SPATA6L: variants seen among roughly 807,000 people sequenced by gnomAD.
The protein encoded by SPATA6L is spermatogenesis associated 6-like protein.
SPATA6L carries 68 observed loss-of-function variants against 49.2 expected under a neutral mutation model. The ratio of observed to expected loss-of-function variants is 1.38; its 90% CI spans 1.14 to 1.69. The LOEUF (loss-of-function observed/expected upper bound fraction) is 1.69. Among genes scored for constraint, SPATA6L ranks in the 40% most tolerant of loss-of-function variants. The pLI is 0.00. For missense variants in SPATA6L, 668 were observed against 464.3 expected (o/e 1.44, Z -4.03); for synonymous variants, 198 against 165.7 (o/e 1.19, Z -1.50).
At chr9:4,605,006 G>A (rs1293669082) in intron 10 of SPATA6L, among the ~76,000 whole-genome samples, 1 of 152,158 alleles carries the variant, frequency 6.6e-6, no homozygotes, top group African/African-American at 2.4e-5. Flanking sequence ...ATTCATGTGT[G>A]CAGGGGAAAG....
chr9:4,627,044 C>G (rs1400164974), intron 5 of SPATA6L: 2 of 151,264 alleles, frequency 1.3e-5, no homozygotes, highest in Non-Finnish European at 1.5e-5. Context: ...AATTTTCTAA[C>G]ATAAAGTGAT....
chr9:4,651,981 G>T (rs904426304), intron 3 of SPATA6L, among the ~76,000 whole-genome samples: 1 of 152,082 alleles, frequency 6.6e-6, no homozygotes. Context: ...AATAAAATGC[G>T]CACAAACTAT....
chr9:4,640,939 A>G (rs1005716999), intron 3 of SPATA6L, among the ~76,000 whole-genome samples: 1 of 152,204 alleles, frequency 6.6e-6, no homozygotes. Flanking sequence ...TTCTTTTCAA[A>G]CAACTATTCT....
At chr9:4,640,188 GA>G (rs1833730412) in intron 3 of SPATA6L, among the ~76,000 whole-genome samples, 1 of 152,174 alleles carries the variant, frequency 6.6e-6, no homozygotes, top group Non-Finnish European at 1.5e-5. Context: ...TTAATAAAAA[GA>G]AAGCATCAAG....
At chr9:4,601,435 T>C (rs1823243273) in intron 11 of SPATA6L, among the ~76,000 whole-genome samples, 1 of 151,916 alleles carries the variant, frequency 6.6e-6, no homozygotes, top group Non-Finnish European at 1.5e-5. Flanking sequence ...ATTTTAAATA[T>C]ACAAGGGATA....
At chr9:4,596,956 A>G (rs1169743360), downstream of SPATA6L, among the ~76,000 whole-genome samples, 2 of 152,126 alleles carry the variant, frequency 1.3e-5, no homozygotes, top group African/African-American at 4.8e-5. Context: ...TGAGATGAGA[A>G]TAAGAATAGC....
At chr9:4,612,149 A>G (rs1826919291) in intron 9 of SPATA6L, among the ~76,000 whole-genome samples, 1 of 151,784 alleles carries the variant, frequency 6.6e-6, no homozygotes, top group African/African-American at 2.4e-5. Flanking sequence ...TCACTTTCAA[A>G]TATTTTGTAG....
intron 7 of SPATA6L, among the ~76,000 whole-genome samples, chr9:4,621,491 C>CA (rs1554716025): frequency 4.1e-5 from 6 of 145,800 alleles, no homozygotes; most frequent in African/African-American, 1.5e-4. Context: ...GTGTGCTATT[C>CA]TTTTTTTTTT....
chr9:4,651,357 A>C (rs1836807822), intron 3 of SPATA6L, among the ~76,000 whole-genome samples: 2 of 152,224 alleles, frequency 1.3e-5, no homozygotes, highest in African/African-American at 4.8e-5. Context: ...AGAGAGATTA[A>C]ATTAGTAATC....
chr9:4,632,686 G>A (rs774953841), intron 4 of SPATA6L, among the ~76,000 whole-genome samples: 1 of 152,056 alleles, frequency 6.6e-6, no homozygotes, highest in Non-Finnish European at 1.5e-5. Flanking sequence ...TACAGCCAGG[G>A]ACATTGGTTA....
At chr9:4,665,772 G>A (rs750858108) in intron 1 of SPATA6L, among the ~76,000 whole-genome samples, 1 of 152,158 alleles carries the variant, frequency 6.6e-6, no homozygotes, top group African/African-American at 2.4e-5. Flanking sequence ...TATCACTAAG[G>A]GGAAATATCA....
chr9:4,626,244 T>TC (rs1267161056), intron 5 of SPATA6L: 26 of 419,992 alleles, frequency 6.2e-5, no homozygotes, highest in Admixed American at 8.9e-5. Flanking sequence ...TTATAGCCTT[T>TC]CCCCTATTAT....
rs758682004 is a variant in SPATA6L, at chr9:4,662,902, A to T, written c.40-866T>A. 1 of 1,608,290 alleles carries T rather than the reference A, an allele frequency of 6.2e-7. No individual in the cohort carries two copies. The highest frequency in any genetic ancestry group is 1.3e-5 in the African/African-American group (1 of 74,818). ...AACCTGCTCTTCGCCCTGCTGTTGG[A>T]CCTGCTGCTGGTGGCCTTGATCAAA... is the stretch of plus-strand genomic sequence containing the variant. On this transcript the variant is annotated intron_variant, in intron 1 of 11. Coordinates refer to ENST00000682582, the MANE Select transcript of SPATA6L (RefSeq NM_001353486.2). The surrounding 1 kb of genome is among the most constrained non-coding windows in gnomAD (Gnocchi z 4.9).
chr9:4,652,480 G>C (rs150062976), intron 3 of SPATA6L, among the ~76,000 whole-genome samples: 192 of 152,232 alleles, frequency 1.3e-3, no homozygotes, highest in Non-Finnish European at 2.2e-3. Context: ...ACTTACAACA[G>C]CTTCAGAGTA....
chr9:4,622,480 T>A lies in SPATA6L; in HGVS notation c.700A>T (p.Ile234Phe). ...GACCTCCTCAAATGATGCTCTGAAATATTCTCACCAAAGGGCTTTGCACTG... is the reference window on the plus strand; with the variant it reads ...GACCTCCTCAAATGATGCTCTGAAAAATTCTCACCAAAGGGCTTTGCACTG... ...VDSAKPFGEN[I>F]SEHHLRRSRR... Residue 234 changes from isoleucine (I) to phenylalanine (F), a missense_variant, in exon 7 of 12, where the codon ATT (isoleucine) becomes TTT (phenylalanine). Ile to Phe is a conservative substitution (Grantham distance 21). Coordinates refer to ENST00000682582, the MANE Select transcript of SPATA6L (RefSeq NM_001353486.2). 6.2e-7 allele frequency: 1 copy of A among 1,613,608 alleles called. No homozygotes were observed. The highest frequency in any genetic ancestry group is 1.6e-4 in the Middle Eastern group (1 of 6,062).
At chr9:4,625,629 G>C in intron 5 of SPATA6L, 63 bp from the exon 6 acceptor site, 1 of 1,147,486 alleles carries the variant, frequency 8.7e-7, no homozygotes, top group South Asian at 2.1e-5. Flanking sequence ...AATTCAATCA[G>C]AATATAACTG....
Position 4,662,749 on chromosome 9 carries a change from C to G in SPATA6L, c.40-713G>C. On this transcript the variant is annotated intron_variant, in intron 1 of 11. Coordinates refer to ENST00000682582, the MANE Select transcript of SPATA6L (RefSeq NM_001353486.2). This position sits in a 1 kb window ranked among gnomAD's most constrained non-coding sequence, Gnocchi z 4.9. ...CTGGGGGTGTGCGCGGGAGAGAGCT[C>G]GTCGTGGGGCAGCGTGCGACCCCTT... is the stretch of plus-strand genomic sequence containing the variant. 1.2e-6 allele frequency: 2 copies of G among 1,603,712 alleles called. No individual in the cohort carries two copies. The highest frequency in any genetic ancestry group is 1.7e-6 in the Non-Finnish European group (2 of 1,179,916).
At chr9:4,657,801 G>T (rs950884221) in intron 2 of SPATA6L, among the ~76,000 whole-genome samples, 1 of 152,170 alleles carries the variant, frequency 6.6e-6, no homozygotes, top group Non-Finnish European at 1.5e-5. Context: ...AAGATTAGTT[G>T]GCAGTTTCTT....
chr9:4,608,065 T>C (rs1285746455), intron 9 of SPATA6L, among the ~76,000 whole-genome samples: 13 of 144,050 alleles, frequency 9.0e-5, no homozygotes, highest in Non-Finnish European at 1.8e-4. Flanking sequence ...TACATAATGG[T>C]AAAGGGATCA....
Sources: allele counts gnomAD v4.1 joint callset (sites outside exome capture counted in the v4.1 genomes callset), GRCh38; gene constraint gnomAD v4.1.1; non-coding constraint Gnocchi (gnomAD v3.1); transcripts MANE v1.5; gene names NCBI Gene and HGNC (gene_info 2026-07-23, HGNC 2026-07-21).